The following SEZ6L variants were observed in gnomAD, a reference collection of about 807,000 sequenced individuals.
SEZ6L encodes seizure 6-like protein.
Under a neutral mutation model 106.2 loss-of-function variants are expected in SEZ6L, and 37 were observed. The observed-to-expected ratio is 0.35, with a 90% confidence interval of 0.27 to 0.46. The LOEUF (loss-of-function observed/expected upper bound fraction) is 0.46. SEZ6L is among the 20% of genes least tolerant of loss of function. The pLI, the probability that SEZ6L is intolerant of heterozygous loss-of-function variation, is 1.00. For missense variants in SEZ6L, 1,172 were observed against 1,332.8 expected (o/e 0.88, Z 1.88); for synonymous variants, 541 against 570.4 (o/e 0.95, Z 0.73).
intron 1 of SEZ6L, among the ~76,000 whole-genome samples, chr22:26,216,133 A>G (rs1464091667): frequency 2.0e-5 from 3 of 151,900 alleles, no homozygotes; most frequent in African/African-American, 4.8e-5. Context: ...GAAGAAACAG[A>G]AACCCTGTCA....
At chr22:26,361,478 T>A (rs1392874524) in intron 12 of SEZ6L, among the ~76,000 whole-genome samples, 1 of 146,506 alleles carries the variant, frequency 6.8e-6, no homozygotes, top group Admixed American at 6.9e-5. Flanking sequence ...CTGCACTCCA[T>A]CTTGAGTGAC....
At chr22:26,353,745 G>A (rs2083349855) in intron 12 of SEZ6L, among the ~76,000 whole-genome samples, 1 of 152,220 alleles carries the variant, frequency 6.6e-6, no homozygotes, top group Non-Finnish European at 1.5e-5. Context: ...CTAACCCACA[G>A]TATCTGTAAC....
At chr22:26,277,699 C>T (rs1020832611) in intron 1 of SEZ6L, among the ~76,000 whole-genome samples, 2 of 152,194 alleles carry the variant, frequency 1.3e-5, no homozygotes, top group African/African-American at 4.8e-5. Flanking sequence ...GTCTTGTTCT[C>T]AGCACTGCAG....
chr22:26,318,272 C>A (rs1453772451), intron 9 of SEZ6L, among the ~76,000 whole-genome samples: 3 of 151,990 alleles, frequency 2.0e-5, no homozygotes, highest in African/African-American at 7.3e-5. Flanking sequence ...TGGGGTTTCA[C>A]CATGTTGGCC....
intron 11 of SEZ6L, among the ~76,000 whole-genome samples, chr22:26,350,745 T>C (rs894877474): frequency 2.0e-5 from 3 of 150,648 alleles, no homozygotes; most frequent in Non-Finnish European, 2.9e-5. Context: ...CAAGCTCCGC[T>C]TCCCGGGTTC....
At chr22:26,278,394 G>A (rs377118213) in intron 1 of SEZ6L, among the ~76,000 whole-genome samples, 23 of 152,266 alleles carry the variant, frequency 1.5e-4, no homozygotes, top group African/African-American at 5.1e-4. Flanking sequence ...TACCAAAATA[G>A]TAAACATGGT....
At chr22:26,219,230 A>G (rs2078385355) in intron 1 of SEZ6L, among the ~76,000 whole-genome samples, 1 of 150,442 alleles carries the variant, frequency 6.6e-6, no homozygotes, top group African/African-American at 2.4e-5. Context: ...CCAGTTGGTC[A>G]TAGAAGATGT....
chr22:26,308,262 G>A (rs1477572684), intron 6 of SEZ6L, among the ~76,000 whole-genome samples: 1 of 150,562 alleles, frequency 6.6e-6, no homozygotes, highest in African/African-American at 2.5e-5. Flanking sequence ...AATACAGAGG[G>A]AGGGGTATTC....
intron 1 of SEZ6L, among the ~76,000 whole-genome samples, chr22:26,226,611 A>G (rs1602085985): frequency 6.6e-6 from 1 of 151,876 alleles, no homozygotes; most frequent in Non-Finnish European, 1.5e-5. Flanking sequence ...TGGAAATCAG[A>G]CTCCTGGTGA....
At chr22:26,239,087 G>A (rs964564610) in intron 1 of SEZ6L, among the ~76,000 whole-genome samples, 2 of 152,228 alleles carry the variant, frequency 1.3e-5, no homozygotes, top group Non-Finnish European at 2.9e-5. Context: ...AGCAGGGCAT[G>A]ATGTCATGTG....
At chr22:26,264,945 G>T (rs1348393558) in intron 1 of SEZ6L, among the ~76,000 whole-genome samples, 2 of 152,154 alleles carry the variant, frequency 1.3e-5, no homozygotes, top group African/African-American at 4.8e-5. Flanking sequence ...TCCAAGAAAA[G>T]CAACTTAGAG....
At chr22:26,195,155 C>T (rs183148593) in intron 1 of SEZ6L, among the ~76,000 whole-genome samples, 287 of 152,304 alleles carry the variant, frequency 1.9e-3, no homozygotes, top group African/African-American at 6.5e-3. Context: ...CTTTGCAAGA[C>T]CAGCCAGACT....
At chr22:26,269,300 C>T (rs1267041740) in intron 1 of SEZ6L, among the ~76,000 whole-genome samples, 17 of 152,152 alleles carry the variant, frequency 1.1e-4, no homozygotes, top group Admixed American at 9.8e-4. Flanking sequence ...TTTTAAAAAT[C>T]ATCCCTGGAG....
rs1039462706 is a variant in SEZ6L at position 26,169,761 on chromosome 22, G to T, written c.92G>T (p.Arg31Leu). The T allele has an allele frequency of 1.6e-6, 2 of 1,249,492 alleles. No individual in the cohort carries two copies. Among genetic ancestry groups the T allele is most frequent in the African/African-American group, 1.6e-5 (1 of 64,414 alleles). 77.4% of individuals were successfully genotyped at this position (1,249,492 alleles called of 1,614,324 possible). A position where few individuals can be genotyped will look rare whatever the true frequency, so the allele number is the denominator to read the frequency against. The change falls in exon 1 of 17, where the codon CGA (arginine) becomes CTA (leucine). Residue 31 changes from arginine to leucine, a missense_variant and splice_region_variant. Around this residue, in one of 4 missense-constraint regions of SEZ6L, gnomAD observed 494 missense variants for 445.8 expected, o/e 1.11. Coordinates refer to ENST00000248933, the MANE Select transcript of SEZ6L (RefSeq NM_021115.5). The stretch of plus-strand genomic sequence containing the variant: ...GGGAGCCCGGCGGCAGCGCTGGAGC[G>T]AGGTAAGCGCCCCGAGGGGCGGGGC... ...LLGSPAAALE[R>L]DALPEGDASP...
intron 12 of SEZ6L, among the ~76,000 whole-genome samples, chr22:26,357,629 G>T (rs2083481271): frequency 2.0e-5 from 3 of 152,142 alleles, no homozygotes; most frequent in Admixed American, 2.0e-4. Flanking sequence ...GAAAGAGAAA[G>T]AATTTTAAAA....
At chr22:26,306,357 T>C (rs1238519419) in intron 6 of SEZ6L, among the ~76,000 whole-genome samples, 3 of 152,184 alleles carry the variant, frequency 2.0e-5, no homozygotes, top group Non-Finnish European at 2.9e-5. Context: ...GAAATGGACC[T>C]GCCCCAGCTC....
intron 1 of SEZ6L, among the ~76,000 whole-genome samples, chr22:26,262,999 C>G (rs1041609378): frequency 1.3e-5 from 2 of 152,204 alleles, no homozygotes; most frequent in South Asian, 2.1e-4. Flanking sequence ...GACTACCATT[C>G]AGTCTCAGAA....
At chr22:26,236,108 G>T (rs6004969) in intron 1 of SEZ6L, among the ~76,000 whole-genome samples, 77,739 of 152,074 alleles carry the variant, frequency 0.51, 20,531 homozygotes, top group South Asian at 0.68. Context: ...CCTCCTTCCC[G>T]TCCACCAGTT....
intron 1 of SEZ6L, among the ~76,000 whole-genome samples, chr22:26,220,892 A>AATGGATGGATGGATGG (rs56187164): frequency 7.4e-5 from 11 of 149,364 alleles, no homozygotes; most frequent in Admixed American, 4.7e-4. Context: ...ATACTGTATG[A>AATGGATGGATGGATGG]ATGGATGGAT....
Sources: allele counts gnomAD v4.1 joint callset (sites outside exome capture counted in the v4.1 genomes callset), GRCh38; gene constraint gnomAD v4.1.1; regional missense constraint gnomAD v4.1.1; transcripts MANE v1.5; gene names NCBI Gene and HGNC (gene_info 2026-07-23, HGNC 2026-07-21).